The following SNRK variants were observed in gnomAD, a reference collection of about 807,000 sequenced individuals.
SNRK encodes the protein SNF related kinase.
A neutral mutation model predicts 48.2 loss-of-function variants in SNRK; 3 were observed. The observed-to-expected ratio is 0.06, with a 90% CI of 0.03 to 0.16. The LOEUF is 0.16. SNRK is among the 10% of genes least tolerant of loss of function. The pLI, the probability that SNRK is intolerant of heterozygous loss-of-function variation, is 1.00. For missense variants in SNRK, 627 were observed against 976.0 expected, an observed-to-expected ratio of 0.64 and a Z score of 4.76; for synonymous variants, 376 against 366.1, an observed-to-expected ratio of 1.03 and a Z score of -0.31.
chr3:43,287,014 G>T (rs947346171), intron 1 of SNRK, among the ~76,000 whole-genome samples: 2 of 147,586 alleles, frequency 1.4e-5, no homozygotes, highest in African/African-American at 4.9e-5. Flanking sequence ...GAAGGCGCCC[G>T]CATCCCCGCG....
chr3:43,339,539 C>T (rs146945641), intron 4 of SNRK, among the ~76,000 whole-genome samples: 7 of 151,900 alleles, frequency 4.6e-5, no homozygotes, highest in East Asian at 2.0e-4. Context: ...TTACATGGGC[C>T]GGGCGCGGTG....
chr3:43,321,989 T>A, intron 3 of SNRK, among the ~76,000 whole-genome samples: 3 of 152,372 alleles, frequency 2.0e-5, no homozygotes, highest in Admixed American at 2.0e-4. Context: ...TGATTATATC[T>A]CAGCACCTAG....
intron 1 of SNRK, among the ~76,000 whole-genome samples, chr3:43,293,606 T>C (rs537941260): frequency 1.3e-5 from 2 of 152,264 alleles, no homozygotes; most frequent in East Asian, 1.9e-4. Flanking sequence ...ATACAGATTA[T>C]ATGCTTTTTA....
chr3:43,324,739 C>G (rs1239033678), intron 3 of SNRK, among the ~76,000 whole-genome samples: 1 of 151,948 alleles, frequency 6.6e-6, no homozygotes, highest in Non-Finnish European at 1.5e-5. Context: ...TTTTTTAATA[C>G]AGGAAAATAG....
intron 3 of SNRK, among the ~76,000 whole-genome samples, chr3:43,328,058 C>T (rs1178253743): frequency 6.6e-6 from 1 of 151,502 alleles, no homozygotes; most frequent in Non-Finnish European, 1.5e-5. Flanking sequence ...TAAAAACATA[C>T]ACTTCAGATA....
intron 3 of SNRK, among the ~76,000 whole-genome samples, chr3:43,320,570 A>G (rs1175089088): frequency 1.3e-5 from 2 of 152,180 alleles, no homozygotes; most frequent in Non-Finnish European, 1.5e-5. Flanking sequence ...TTGTATATAT[A>G]CTAATGAATA....
At chr3:43,312,235 C>T (rs1171760344) in intron 3 of SNRK, among the ~76,000 whole-genome samples, 1 of 152,096 alleles carries the variant, frequency 6.6e-6, no homozygotes, top group East Asian at 1.9e-4. Context: ...AAACATGGCT[C>T]CATATGGATA....
At chr3:43,299,327 G>A (rs543278551) in intron 1 of SNRK, among the ~76,000 whole-genome samples, 3 of 152,150 alleles carry the variant, frequency 2.0e-5, no homozygotes, top group South Asian at 2.1e-4. Flanking sequence ...ACAGGCGCCC[G>A]CCTCCACGCC....
At chr3:43,311,583 T>C (rs1296915525) in intron 3 of SNRK, among the ~76,000 whole-genome samples, 4 of 152,132 alleles carry the variant, frequency 2.6e-5, no homozygotes, top group Non-Finnish European at 4.4e-5. Flanking sequence ...CTCATTGCAG[T>C]CTGTGGAATT....
rs2372373 is a variant in SNRK at position 43,325,199 on chromosome 3, G to C, written c.590-6970G>C. Reference sequence around the variant, plus strand: ...TTTTGTTTTTGAGACGGAGTCTCGCGCTTTCACCCAGGCTGGACTGCAGTG... The same window carrying C: ...TTTTGTTTTTGAGACGGAGTCTCGCCCTTTCACCCAGGCTGGACTGCAGTG... On this transcript the variant is annotated intron_variant, in intron 3 of 6. Transcript: ENST00000296088. Among the ~76,000 whole-genome samples the C allele has an allele frequency of 2.6e-5, 4 of 152,346 alleles. No homozygotes were observed. The South Asian group carries it at 8.3e-4, about 32-fold the overall frequency.
intron 6 of SNRK, among the ~76,000 whole-genome samples, chr3:43,346,465 G>A (rs1370236348): frequency 6.6e-6 from 1 of 152,116 alleles, no homozygotes; most frequent in Non-Finnish European, 1.5e-5. Flanking sequence ...ATCTTCTTTG[G>A]GTACCAAGCA....
chr3:43,340,834 T>C (rs932126734), intron 5 of SNRK, among the ~76,000 whole-genome samples: 2 of 152,216 alleles, frequency 1.3e-5, no homozygotes, highest in East Asian at 1.9e-4. Context: ...CTCTGTCTCC[T>C]GCCGGTCCCC....
At position 43,334,003 on chromosome 3, in the gene SNRK, G is replaced by A. The variant is rs141201838; in HGVS notation, c.731+1693G>A. Among the ~76,000 whole-genome samples, 449 of 151,950 alleles carry A rather than the reference G, an allele frequency of 3.0e-3. 1 individual carries two copies. Among genetic ancestry groups the A allele is most frequent in the African/African-American group, 0.01 (430 of 41,436 alleles). Reference sequence around the variant, plus strand: ...TCTACTAAAAATACAAAACTTAGCCGGGCATGGTGGCTGGCGCCTGTAATC... The same window carrying A: ...TCTACTAAAAATACAAAACTTAGCCAGGCATGGTGGCTGGCGCCTGTAATC... On this transcript the variant is annotated intron_variant, in intron 4 of 6. Transcript: ENST00000296088.
In SNRK at chr3:43,347,457, A is replaced by G; in HGVS notation, c.1198A>G (p.Asn400Asp). 3 of 1,613,974 alleles carry G rather than the reference A, an allele frequency of 1.9e-6. No individual in the cohort carries two copies. The highest frequency in any genetic ancestry group is 2.5e-6 in the Non-Finnish European group (3 of 1,179,986). The change falls in exon 7 of 7, where the codon AAT becomes GAT. Residue 400 changes from asparagine (N) to aspartate (D), a missense_variant. Asn to Asp is a conservative substitution (Grantham distance 23). Transcript: ENST00000296088. The surrounding 1 kb of genome is among the most constrained non-coding windows in gnomAD (Gnocchi z 5.4). ...SPARAADSVL[N>D]GHRSKGLCDS... ...TGCTCGGGCTGCTGACAGTGTCCTC[A>G]ATGGCCACAGGAGCAAAGGCCTGTG...
chr3:43,294,381 T>A (rs905488624), intron 1 of SNRK, among the ~76,000 whole-genome samples: 1 of 152,186 alleles, frequency 6.6e-6, no homozygotes, highest in African/African-American at 2.4e-5. Context: ...TACCTATACA[T>A]ATATGCTAAA....
intron 4 of SNRK, among the ~76,000 whole-genome samples, chr3:43,337,176 T>A (rs1414443566): frequency 6.6e-6 from 1 of 151,910 alleles, no homozygotes; most frequent in East Asian, 1.9e-4. Context: ...CAAGTTCAAG[T>A]GATTCTCATG....
chr3:43,349,216 G>A lies in SNRK; in HGVS notation c.*659G>A, dbSNP rs534170554. 1.3e-5 allele frequency: 2 copies of A among 152,778 alleles called. No homozygotes were observed. Among genetic ancestry groups the A allele is most frequent in the East Asian group, 3.9e-4 (2 of 5,192 alleles). The allele number at this position is 152,778 out of a possible 1,614,324, so 9.5% of individuals were successfully genotyped here. On this transcript the variant is annotated 3_prime_UTR_variant, in exon 7 of 7. Coordinates refer to ENST00000296088, the MANE Select transcript of SNRK (RefSeq NM_017719.5). ...AGATTTCCTTGTTTTTGTAATAGGT[G>A]AGATAAAGTACTTAGATTTATAAGG...
chr3:43,307,073 C>T (rs1017536136), intron 3 of SNRK, among the ~76,000 whole-genome samples: 1 of 151,854 alleles, frequency 6.6e-6, no homozygotes, highest in African/African-American at 2.4e-5. Context: ...TCCTTTGTAC[C>T]CTTACATGTT....
intron 1 of SNRK, among the ~76,000 whole-genome samples, chr3:43,291,698 C>A (rs2090813827): frequency 6.6e-6 from 1 of 152,132 alleles, no homozygotes. Flanking sequence ...GCTGTAGATC[C>A]TGTGGTACTC....
Sources: gnomAD v4.1 joint callset for allele counts (sites outside exome capture counted in the v4.1 genomes callset) on GRCh38, gnomAD v4.1.1 for gene constraint, Gnocchi (gnomAD v3.1) non-coding constraint, MANE v1.5 for transcripts, NCBI Gene and HGNC (gene_info 2026-07-23, HGNC 2026-07-21) for gene names.